Variants in ELFN2 observed in about 807,000 individuals in gnomAD.
The protein encoded by ELFN2 is extracellular leucine rich repeat and fibronectin type III domain containing 2.
ELFN2 carries 17 observed loss-of-function variants against 45.5 expected under a neutral mutation model. The observed-to-expected ratio is 0.37, with a 90% CI of 0.26 to 0.56. The LOEUF is 0.56. ELFN2 is among the 20% of genes least tolerant of loss of function. The pLI is 0.77. For missense variants in ELFN2, 922 were observed against 1,183.2 expected (o/e 0.78, Z 3.24); for synonymous variants, 550 against 551.5 (o/e 1.00, Z 0.04).
chr22:37,366,792 C>T (rs368279034), downstream of ELFN2, among the ~76,000 whole-genome samples: 2 of 152,254 alleles, frequency 1.3e-5, no homozygotes, highest in African/African-American at 2.4e-5. Context: ...AAAGGAGGGA[C>T]CCTGGCTGGC....
chr22:37,382,744 G>A (rs973037325), intron 2 of ELFN2, among the ~76,000 whole-genome samples: 3 of 152,060 alleles, frequency 2.0e-5, no homozygotes, highest in African/African-American at 7.3e-5. Context: ...TAGAGATGGG[G>A]TTTCACCACG....
chr22:37,425,843 CAG>C (rs1012856263), intron 1 of ELFN2, among the ~76,000 whole-genome samples: 8 of 149,236 alleles, frequency 5.4e-5, no homozygotes, highest in African/African-American at 2.0e-4. Context: ...GCCACGAGAA[CAG>C]GGGTGTCAGC....
rs144246812 is a variant in ELFN2, at chr22:37,396,779, G to A, written c.-462-20783C>T. Among the ~76,000 whole-genome samples the A allele has an allele frequency of 2.5e-3, 385 of 152,166 alleles. 4 individuals are homozygous for A. Among genetic ancestry groups the A allele is most frequent in the African/African-American group, 8.8e-3 (366 of 41,494 alleles). ...GCATGCCCCTGGCTGCTCAGATCGC[G>A]CTCGGTCATGGTCACCACTGCCTGC... On this transcript the variant is annotated intron_variant, in intron 2 of 2. Transcript: ENST00000402918.
At chr22:37,405,841 G>C (rs548088533) in intron 2 of ELFN2, among the ~76,000 whole-genome samples, 1 of 146,962 alleles carries the variant, frequency 6.8e-6, no homozygotes, top group African/African-American at 2.6e-5. Flanking sequence ...AAAGGGTGGA[G>C]GGGGGGTGGT....
At position 37,373,516 on chromosome 22, in the gene ELFN2, C is replaced by A. The variant is rs771505156; in HGVS notation, c.2019G>T (p.Pro673=). 1.3e-6 allele frequency: 2 copies of A among 1,562,894 alleles called. No homozygotes were observed. ...CCGGCACCAGCGGGAGCCGGTCCAG[C>A]GGGCTGTTGAGGGGGCTGCCCTTCT... ...YIEKGSPLNS[P]LDRLPLVPAG... is the part of the protein sequence containing the mutation. Residue 673 remains proline, a synonymous_variant, in exon 3 of 3, where the codon CCG becomes CCT. Coordinates refer to ENST00000402918, the MANE Select transcript of ELFN2 (RefSeq NM_052906.5).
intron 2 of ELFN2, among the ~76,000 whole-genome samples, chr22:37,399,775 TC>T (rs1276623274): frequency 6.6e-6 from 1 of 151,964 alleles, no homozygotes; most frequent in Non-Finnish European, 1.5e-5. Flanking sequence ...TGGAATAGTA[TC>T]CAAAATCTTC....
In ELFN2 at chr22:37,375,092, G is replaced by T. The variant is rs1455189505; in HGVS notation, c.443C>A (p.Ser148Tyr). Reference protein sequence around the residue: ...LIEVVTPTAFSECPSLISIDL... With the variant: ...LIEVVTPTAFYECPSLISIDL... ...GATGCTGATGAGGCTCGGGCACTCG[G>T]AGAAGGCGGTGGGCGTCACCACCTC... The change falls in exon 3 of 3, where the codon TCC becomes TAC. Residue 148 changes from serine to tyrosine, a missense_variant. By Grantham distance (144) the Ser-to-Tyr change is moderately radical (BLOSUM62 -2). This residue lies in a region of ELFN2 where 358 missense variants were observed against 540.4 expected (regional missense o/e 0.66). Coordinates refer to ENST00000402918, the MANE Select transcript of ELFN2 (RefSeq NM_052906.5). 5 of 1,613,690 alleles carry T rather than the reference G, an allele frequency of 3.1e-6. No individual in the cohort carries two copies. The highest frequency in any genetic ancestry group is 3.4e-6 in the Non-Finnish European group (4 of 1,180,012).
chr22:37,346,006 C>G (rs1245971610), intron 1 of ELFN2, among the ~76,000 whole-genome samples: 1 of 152,210 alleles, frequency 6.6e-6, no homozygotes, highest in Non-Finnish European at 1.5e-5. Flanking sequence ...CTGGAATCCT[C>G]TCCACCATCC....
At chr22:37,379,757 G>C (rs1931695512) in intron 2 of ELFN2, among the ~76,000 whole-genome samples, 1 of 152,094 alleles carries the variant, frequency 6.6e-6, no homozygotes, top group Non-Finnish European at 1.5e-5. Flanking sequence ...AGCTGGGCAG[G>C]ACCACAGACC....
intron 2 of ELFN2, among the ~76,000 whole-genome samples, chr22:37,409,090 G>T (rs912473351): frequency 6.6e-6 from 1 of 152,200 alleles, no homozygotes; most frequent in Non-Finnish European, 1.5e-5. Flanking sequence ...ACTGGCCCAG[G>T]CTCAGCCCCA....
intron 2 of ELFN2, among the ~76,000 whole-genome samples, chr22:37,399,480 G>A (rs996455673): frequency 5.5e-5 from 8 of 146,664 alleles, no homozygotes; most frequent in Non-Finnish European, 1.0e-4. Flanking sequence ...GGAGACCACC[G>A]GCCCACCTCT....
intron 2 of ELFN2, among the ~76,000 whole-genome samples, chr22:37,400,943 C>T (rs990530794): frequency 1.3e-5 from 2 of 152,248 alleles, no homozygotes; most frequent in African/African-American, 4.8e-5. Flanking sequence ...TTCAGTCATT[C>T]ATTTCATACC....
At chr22:37,390,434 C>T (rs919862485) in intron 2 of ELFN2, among the ~76,000 whole-genome samples, 3 of 152,216 alleles carry the variant, frequency 2.0e-5, no homozygotes, top group African/African-American at 7.2e-5. Context: ...GCTGAACCCA[C>T]CAAAGGGTGG....
At position 37,374,315 on chromosome 22, in the gene ELFN2, C is replaced by G; in HGVS notation, c.1220G>C (p.Gly407Ala). ...YIMTILGCLF[G>A]MVIVLGAVYY... ...CACGGCTCCCAGCACGATAACCATG[C>G]CAAAGAGGCAGCCCAGGATGGTCAT... The change falls in exon 3 of 3, where the codon GGC becomes GCC. Residue 407 changes from glycine to alanine, a missense_variant. Gly to Ala is a moderately conservative substitution (Grantham distance 60, BLOSUM62 0). Around this residue, in one of 2 missense-constraint regions of ELFN2, gnomAD observed 564 missense variants for 642.8 expected, o/e 0.88. Coordinates refer to ENST00000402918, the MANE Select transcript of ELFN2 (RefSeq NM_052906.5). The G allele has an allele frequency of 6.2e-7, 1 of 1,613,924 alleles. No homozygotes were observed. The highest frequency in any genetic ancestry group is 8.5e-7 in the Non-Finnish European group (1 of 1,179,956).
intron 1 of ELFN2, among the ~76,000 whole-genome samples, chr22:37,350,730 A>ATCCC (rs1167047522): frequency 1.3e-5 from 2 of 150,274 alleles, no homozygotes; most frequent in Non-Finnish European, 3.0e-5. Context: ...AGTGCCAGGT[A>ATCCC]TCCCTGCTCC....
At chr22:37,412,292 A>AAAAAAGAAAG (rs57769146) in intron 2 of ELFN2, among the ~76,000 whole-genome samples, 3 of 146,444 alleles carry the variant, frequency 2.0e-5, no homozygotes, top group South Asian at 2.1e-4. Flanking sequence ...AAAAAAAAAA[A>AAAAAAGAAAG]AAAGAAAGAA....
intron 2 of ELFN2, among the ~76,000 whole-genome samples, chr22:37,408,189 T>A (rs905598186): frequency 6.6e-6 from 1 of 152,188 alleles, no homozygotes; most frequent in Non-Finnish European, 1.5e-5. Context: ...ATGTCCCCAG[T>A]CCTGGGCCCG....
At chr22:37,386,028 C>T (rs928387943) in intron 2 of ELFN2, among the ~76,000 whole-genome samples, 8 of 152,160 alleles carry the variant, frequency 5.3e-5, no homozygotes, top group African/African-American at 1.9e-4. Flanking sequence ...GGAGAGGTCC[C>T]CAACCAAGGG....
intron 1 of ELFN2, among the ~76,000 whole-genome samples, chr22:37,419,159 T>C (rs1008085944): frequency 6.7e-6 from 1 of 149,830 alleles, no homozygotes; most frequent in African/African-American, 2.5e-5. Flanking sequence ...GGGCCTCCCT[T>C]CCCCTCTCCC....
Sources: allele counts gnomAD v4.1 joint callset (sites outside exome capture counted in the v4.1 genomes callset), GRCh38; gene constraint gnomAD v4.1.1; regional missense constraint gnomAD v4.1.1; transcripts MANE v1.5; gene names NCBI Gene and HGNC (gene_info 2026-07-23, HGNC 2026-07-21).